TBXAS1: variants seen among roughly 807,000 people sequenced by gnomAD.
TBXAS1 encodes the protein thromboxane A synthase 1.
Under a neutral mutation model 60.7 loss-of-function variants are expected in TBXAS1, and 48 were observed. That is an observed-to-expected ratio of 0.79 (90% CI 0.63 to 1.01). TBXAS1 has a LOEUF of 1.01. Ranked by LOEUF, TBXAS1 falls within the 50% of genes least tolerant of loss-of-function variation. The probability of loss-of-function intolerance (pLI) is 0.00; values close to 1 mark genes in which losing one functional copy is unlikely to be tolerated. For missense variants in TBXAS1, 685 were observed against 686.3 expected (o/e 1.00, Z 0.02); for synonymous variants, 287 against 269.7 (o/e 1.06, Z -0.63).
chr7:139,795,777 G>A (rs1051936032), intron 4 of TBXAS1, among the ~76,000 whole-genome samples: 3 of 151,784 alleles, frequency 2.0e-5, no homozygotes, highest in Admixed American at 6.6e-5. Flanking sequence ...TCACCACCCC[G>A]CCTCCCTTTC....
At chr7:140,019,876 A>G in intron 12 of TBXAS1, 149 bp from the exon 13 acceptor site, 1 of 735,724 alleles carries the variant, frequency 1.4e-6, no homozygotes, top group Non-Finnish European at 2.3e-6. Flanking sequence ...GGCTGGAGTC[A>G]CTGAAAGATA....
intron 4 of TBXAS1, among the ~76,000 whole-genome samples, chr7:139,806,547 G>C (rs1214226955): frequency 6.6e-6 from 1 of 152,130 alleles, no homozygotes; most frequent in Non-Finnish European, 1.5e-5. Flanking sequence ...GCAGGCATGA[G>C]CCACCGTGCC....
At chr7:139,873,841 C>T (rs570101132) in intron 2 of TBXAS1, among the ~76,000 whole-genome samples, 29 of 152,200 alleles carry the variant, frequency 1.9e-4, no homozygotes, top group African/African-American at 6.5e-4. Context: ...CGCCAGGAGC[C>T]GGAACACCCT....
chr7:139,893,208 G>A (rs1803781017), intron 3 of TBXAS1, among the ~76,000 whole-genome samples: 1 of 152,050 alleles, frequency 6.6e-6, no homozygotes, highest in Admixed American at 6.6e-5. Flanking sequence ...TTTCAGGAGT[G>A]ACATTAGCTT....
chr7:139,951,069 C>A (rs529566673), intron 5 of TBXAS1, among the ~76,000 whole-genome samples: 58 of 152,322 alleles, frequency 3.8e-4, no homozygotes, highest in African/African-American at 1.2e-3. Flanking sequence ...CCAGGTGTCT[C>A]CAACCAACTG....
intron 4 of TBXAS1, among the ~76,000 whole-genome samples, chr7:139,789,053 T>G (rs1348170252): frequency 6.6e-6 from 1 of 152,210 alleles, no homozygotes; most frequent in African/African-American, 2.4e-5. Context: ...CAATTCTGTA[T>G]GGGTGACACC....
chr7:139,905,081 C>T (rs1584816669), intron 3 of TBXAS1, among the ~76,000 whole-genome samples: 1 of 143,930 alleles, frequency 6.9e-6, no homozygotes, highest in East Asian at 2.0e-4. Flanking sequence ...CTCTCTTTCT[C>T]TTTCTCCCTC....
chr7:139,962,132 A>G lies in TBXAS1; in HGVS notation c.1033A>G (p.Ile345Val), dbSNP rs1810415719. ...CATCTTCCTCATCGCTGGCTATGAA[A>G]TCATCACCAACACACTTTCTTTTGC... The part of the protein sequence containing the change: ...AFIFLIAGYE[I>V]ITNTLSFATY... Residue 345 changes from isoleucine to valine, a missense_variant, in exon 9 of 13, where the codon ATC (isoleucine) becomes GTC (valine). By Grantham distance (29) the Ile-to-Val change is conservative. Transcript: ENST00000448866. 6.2e-7 allele frequency: 1 copy of G among 1,614,188 alleles called. No individual in the cohort carries two copies. Among genetic ancestry groups the G allele is most frequent in the Non-Finnish European group, 8.5e-7 (1 of 1,180,038 alleles).
intron 5 of TBXAS1, 114 bp downstream of exon 5, chr7:139,936,421 C>T: frequency 9.5e-7 from 1 of 1,058,124 alleles, no homozygotes; most frequent in Non-Finnish European, 1.5e-6. Context: ...CATCAAAATG[C>T]CTTTCCCACT....
At chr7:140,001,872 TCTCA>T (rs373792948) in intron 9 of TBXAS1, among the ~76,000 whole-genome samples, 2 of 152,304 alleles carry the variant, frequency 1.3e-5, no homozygotes, top group African/African-American at 4.8e-5. Flanking sequence ...ACTGGCTTAT[TCTCA>T]CTCATCCTAA....
rs757835 is a variant in TBXAS1, at chr7:140,017,378, T to C, written c.1365-293T>C. 0.26 allele frequency among the ~76,000 whole-genome samples: 40,000 copies of C among 152,074 alleles called. 6,033 individuals carry two copies. The highest frequency in any genetic ancestry group is 0.57 in the East Asian group (2,956 of 5,146). On this transcript the variant is annotated intron_variant, in intron 11 of 12. Coordinates refer to ENST00000448866, the MANE Select transcript of TBXAS1 (RefSeq NM_001061.7). ...GCCGTGTTTAGACTCTGATTGTGGGTGGCGGTGAGTCTGTGGGCTTATTAG... is the reference window on the plus strand; with the variant it reads ...GCCGTGTTTAGACTCTGATTGTGGGCGGCGGTGAGTCTGTGGGCTTATTAG...
At chr7:139,803,686 A>C (rs1176657450) in intron 4 of TBXAS1, among the ~76,000 whole-genome samples, 1 of 152,138 alleles carries the variant, frequency 6.6e-6, no homozygotes, top group Non-Finnish European at 1.5e-5. Context: ...GCAGCCTAGG[A>C]ACTTGGTGCT....
chr7:139,886,191 A>G (rs1307782890), intron 3 of TBXAS1, among the ~76,000 whole-genome samples: 1 of 152,136 alleles, frequency 6.6e-6, no homozygotes, highest in Non-Finnish European at 1.5e-5. Flanking sequence ...TATTCTTCGT[A>G]TCTCAAGACC....
In TBXAS1 at chr7:139,872,067, T is replaced by C. The variant is rs561061652; in HGVS notation, c.90-168T>C. On this transcript the variant is annotated intron_variant, in intron 1 of 12. Coordinates refer to ENST00000448866, the MANE Select transcript of TBXAS1 (RefSeq NM_001061.7). ...CAGGAGGTTGACTGGACTCCTATTC[T>C]ACTCACTCAACTCTAGGCCTCCAAT... 3.3e-5 allele frequency among the ~76,000 whole-genome samples: 5 copies of C among 152,350 alleles called. No homozygotes were observed. In the East Asian group the frequency reaches 9.6e-4, roughly 29 times the overall value.
chr7:139,806,584 AG>A (rs1477274884), intron 4 of TBXAS1, among the ~76,000 whole-genome samples: 1 of 151,970 alleles, frequency 6.6e-6, no homozygotes, highest in Non-Finnish European at 1.5e-5. Flanking sequence ...TGGTATTTTT[AG>A]GAGTTTCTAG....
Position 139,993,888 on chromosome 7 carries a change from C to CTTTTTTTTTTTT in TBXAS1, c.1135-13200_1135-13199insTTTTTTTTTTTT, listed in dbSNP as rs1297350500. ...TTTGCTTTGCTTTTTCTTTTTCTTT[C>CTTTTTTTTTTTT]TTTCTTTTTTTTTTTTTTTTTTTTG... On this transcript the variant is annotated intron_variant, in intron 9 of 12. Transcript: ENST00000448866. 2.2e-5 allele frequency among the ~76,000 whole-genome samples: 3 copies of CTTTTTTTTTTTT among 137,730 alleles called. 1 individual carries two copies. The highest frequency in any genetic ancestry group is 5.5e-5 in the African/African-American group (2 of 36,156). The allele number at this position is 137,730 out of a possible 152,430, so 90.4% of individuals were successfully genotyped here.
At chr7:139,877,816 C>T (rs1802364318) in intron 3 of TBXAS1, among the ~76,000 whole-genome samples, 1 of 150,184 alleles carries the variant, frequency 6.7e-6, no homozygotes, top group Admixed American at 6.7e-5. Flanking sequence ...CAGTCTATTG[C>T]TTTTTAAAGG....
chr7:139,944,838 AAT>A (rs1300304155), intron 5 of TBXAS1, among the ~76,000 whole-genome samples: 5 of 152,194 alleles, frequency 3.3e-5, no homozygotes. Context: ...CTGTGTAGGA[AAT>A]ATGTTTTCCC....
intron 1 of TBXAS1, among the ~76,000 whole-genome samples, chr7:139,845,886 C>T (rs1188519970): frequency 1.2e-4 from 18 of 145,368 alleles, no homozygotes; most frequent in African/African-American, 4.4e-4. Context: ...TACAGTGGCA[C>T]AATCACAGCT....
Sources: allele counts gnomAD v4.1 joint callset (sites outside exome capture counted in the v4.1 genomes callset), GRCh38; gene constraint gnomAD v4.1.1; transcripts MANE v1.5; gene names NCBI Gene and HGNC (gene_info 2026-07-23, HGNC 2026-07-21).